Variants in CPEB1 observed in about 807,000 individuals in gnomAD.
CPEB1 encodes the protein cytoplasmic polyadenylation element binding protein 1.
A neutral mutation model predicts 65.8 loss-of-function variants in CPEB1; 7 were observed. That is an observed-to-expected ratio of 0.11 (90% CI 0.06 to 0.20). CPEB1 has a LOEUF of 0.20. Ranked by LOEUF, CPEB1 falls within the 10% of genes least tolerant of loss-of-function variation. CPEB1 has a pLI of 1.00. For missense variants in CPEB1, 551 were observed against 712.2 expected (o/e 0.77, Z 2.58); for synonymous variants, 262 against 260.0 (o/e 1.01, Z -0.08).
chr15:82,608,588 TGTTTTTA>T (rs1024848316), intron 3 of CPEB1, among the ~76,000 whole-genome samples: 24 of 152,242 alleles, frequency 1.6e-4, no homozygotes, highest in African/African-American at 5.5e-4. Flanking sequence ...TCAGCTATCT[TGTTTTTA>T]GTTTTTAAAC....
chr15:82,619,708 GA>G (rs2045115756), intron 3 of CPEB1, among the ~76,000 whole-genome samples: 1 of 152,030 alleles, frequency 6.6e-6, no homozygotes, highest in South Asian at 2.1e-4. Context: ...AGTCACTAAG[GA>G]CATGAACATT....
chr15:82,544,272 GTT>G lies in CPEB1; in HGVS notation c.*318_*319del, dbSNP rs35946080. The G allele has an allele frequency of 2.5e-3, 328 of 131,092 alleles. No individual in the cohort carries two copies. The highest frequency in any genetic ancestry group is 0.011 in the Middle Eastern group (3 of 270). 8.1% of individuals were successfully genotyped at this position (131,092 alleles called of 1,614,324 possible). A position where few individuals can be genotyped will look rare whatever the true frequency, so the allele number is the denominator to read the frequency against. On this transcript the variant is annotated 3_prime_UTR_variant, in exon 13 of 13. Transcript: ENST00000684509. ...TACCTCAATACCTTCTGGACACGTA[GTT>G]TTTTTTTTTTTTTTTTTTTTCCCCG...
intron 1 of CPEB1, among the ~76,000 whole-genome samples, chr15:82,632,547 G>A (rs1405084557): frequency 6.6e-6 from 1 of 151,934 alleles, no homozygotes; most frequent in Non-Finnish European, 1.5e-5. Flanking sequence ...ATGGGGTCTT[G>A]TTCTGTCCCC....
At chr15:82,614,989 G>C (rs1021963197) in intron 3 of CPEB1, among the ~76,000 whole-genome samples, 8 of 151,912 alleles carry the variant, frequency 5.3e-5, no homozygotes, top group African/African-American at 1.9e-4. Flanking sequence ...CATCATTGTA[G>C]ATAGTATTCA....
At chr15:82,644,949 A>C (rs1364054749) in intron 1 of CPEB1, among the ~76,000 whole-genome samples, 1 of 152,166 alleles carries the variant, frequency 6.6e-6, no homozygotes, top group Non-Finnish European at 1.5e-5. Context: ...TGTGCACTAC[A>C]GCGAAAGAAA....
At chr15:82,583,207 TA>T (rs2041466220) in intron 3 of CPEB1, among the ~76,000 whole-genome samples, 1 of 152,222 alleles carries the variant, frequency 6.6e-6, no homozygotes, top group African/African-American at 2.4e-5. Context: ...GATTCAAGGC[TA>T]GCATCATCCA....
chr15:82,624,310 C>A (rs1171332477), intron 3 of CPEB1, among the ~76,000 whole-genome samples: 2 of 152,150 alleles, frequency 1.3e-5, no homozygotes, highest in Non-Finnish European at 2.9e-5. Context: ...TTGACAGAAA[C>A]CTTTCCTAGA....
At position 82,606,744 on chromosome 15, in the gene CPEB1, G is replaced by A. The variant is rs1173707140; in HGVS notation, c.271+20449C>T. ...GAGGCAGGAGAATGGCGTGAACCCG[G>A]GAGGCGGAGCTTGCAGTGAGCCGAG... On this transcript the variant is annotated intron_variant, in intron 3 of 12. Coordinates refer to ENST00000684509, the MANE Select transcript of CPEB1 (RefSeq NM_001365242.1). 2.9e-5 allele frequency among the ~76,000 whole-genome samples: 2 copies of A among 69,600 alleles called. 1 individual carries two copies. The highest frequency in any genetic ancestry group is 5.7e-5 in the Non-Finnish European group (2 of 35,116). The allele number at this position is 69,600 out of a possible 152,430, so 45.7% of individuals were successfully genotyped here.
intron 3 of CPEB1, among the ~76,000 whole-genome samples, chr15:82,621,599 CAA>C (rs1037662840): frequency 2.1e-5 from 3 of 143,882 alleles, no homozygotes; most frequent in African/African-American, 2.6e-5. Context: ...GCCTGGGAAA[CAA>C]GAGTGAAACT....
chr15:82,626,285 T>G (rs1162521956), intron 3 of CPEB1, among the ~76,000 whole-genome samples: 1 of 150,192 alleles, frequency 6.7e-6, no homozygotes, highest in Non-Finnish European at 1.5e-5. Context: ...AATACAAAAA[T>G]TAGCTGGGTG....
intron 3 of CPEB1, among the ~76,000 whole-genome samples, chr15:82,616,094 T>A (rs1157019616): frequency 6.6e-6 from 1 of 151,782 alleles, no homozygotes; most frequent in Non-Finnish European, 1.5e-5. Context: ...GAAAAGCAAA[T>A]GCCAGGAAGA....
chr15:82,579,330 G>A (rs1368234372), intron 3 of CPEB1, among the ~76,000 whole-genome samples: 3 of 152,082 alleles, frequency 2.0e-5, no homozygotes, highest in Non-Finnish European at 2.9e-5. Context: ...ACATGGTGGT[G>A]TTTGTCTGTG....
intron 3 of CPEB1, among the ~76,000 whole-genome samples, chr15:82,617,308 T>C (rs918364078): frequency 2.0e-5 from 3 of 152,256 alleles, no homozygotes; most frequent in African/African-American, 4.8e-5. Context: ...TTGATGGACA[T>C]CTGGGTTGTT....
chr15:82,619,612 G>A (rs1323004269), intron 3 of CPEB1, among the ~76,000 whole-genome samples: 1 of 152,004 alleles, frequency 6.6e-6, no homozygotes. Context: ...ATAACCCTAA[G>A]AAAAATGAGT....
chr15:82,583,843 GTAAA>G (rs2041515866), intron 3 of CPEB1, among the ~76,000 whole-genome samples: 1 of 152,152 alleles, frequency 6.6e-6, no homozygotes. Flanking sequence ...TATTGAAATA[GTAAA>G]TAAATGTCAA....
At chr15:82,560,700 A>G (rs1184271195) in intron 4 of CPEB1, among the ~76,000 whole-genome samples, 2 of 151,442 alleles carry the variant, frequency 1.3e-5, no homozygotes, top group Non-Finnish European at 2.9e-5. Context: ...GCTTGATTTT[A>G]TCTTAAGGGT....
chr15:82,626,881 A>G (rs950175639), intron 3 of CPEB1, among the ~76,000 whole-genome samples: 12 of 152,242 alleles, frequency 7.9e-5, no homozygotes, highest in African/African-American at 2.9e-4. Flanking sequence ...TAATTTTAAC[A>G]TGGCTACCAG....
chr15:82,557,674 ATCC>A, intron 5 of CPEB1, 83 bp downstream of exon 5: 1 of 1,113,708 alleles, frequency 9.0e-7, no homozygotes, highest in Non-Finnish European at 1.3e-6. Context: ...GGGGACAGGC[ATCC>A]CATAGATATT....
At chr15:82,622,384 T>C (rs1231091561) in intron 3 of CPEB1, among the ~76,000 whole-genome samples, 2 of 151,914 alleles carry the variant, frequency 1.3e-5, no homozygotes, top group African/African-American at 4.8e-5. Flanking sequence ...GGAATTCAGA[T>C]GCTCCAGCTA....
Sources: gnomAD v4.1 joint callset for allele counts (sites outside exome capture counted in the v4.1 genomes callset) on GRCh38, gnomAD v4.1.1 for gene constraint, MANE v1.5 for transcripts, NCBI Gene and HGNC (gene_info 2026-07-23, HGNC 2026-07-21) for gene names.